CLSTN1: variants seen among roughly 807,000 people sequenced by gnomAD.
The protein encoded by CLSTN1 is calsyntenin 1.
Under a neutral mutation model 108.3 loss-of-function variants are expected in CLSTN1, and 28 were observed. The observed-to-expected ratio is 0.26, with a 90% CI of 0.19 to 0.35. The LOEUF (loss-of-function observed/expected upper bound fraction) is 0.35. Ranked by LOEUF, CLSTN1 falls within the 10% of genes least tolerant of loss-of-function variation. The pLI is 1.00. For missense variants in CLSTN1, 1,157 were observed against 1,302.6 expected (o/e 0.89, Z 1.72); for synonymous variants, 524 against 534.9 (o/e 0.98, Z 0.28).
chr1:9,813,550 G>T (rs1292371629), intron 1 of CLSTN1, among the ~76,000 whole-genome samples: 1 of 151,266 alleles, frequency 6.6e-6, no homozygotes, highest in Non-Finnish European at 1.5e-5. Context: ...AATAATTTTT[G>T]AACAAGGGGC....
At chr1:9,782,427 T>C (rs1245078340) in intron 1 of CLSTN1, among the ~76,000 whole-genome samples, 1 of 152,170 alleles carries the variant, frequency 6.6e-6, no homozygotes, top group African/African-American at 2.4e-5. Flanking sequence ...TAATAAGTTA[T>C]TAGGTAAGTA....
chr1:9,802,307 G>A (rs1228494980), intron 1 of CLSTN1, among the ~76,000 whole-genome samples: 1 of 152,082 alleles, frequency 6.6e-6, no homozygotes, highest in Non-Finnish European at 1.5e-5. Flanking sequence ...ATTCCAGCAG[G>A]GCCTGGCTAA....
intron 1 of CLSTN1, among the ~76,000 whole-genome samples, chr1:9,808,465 G>A (rs887064098): frequency 6.6e-6 from 1 of 152,212 alleles, no homozygotes; most frequent in Non-Finnish European, 1.5e-5. Flanking sequence ...CCACGGGGAA[G>A]ATACAATTTG....
chr1:9,810,809 T>C (rs1654726444), intron 1 of CLSTN1, among the ~76,000 whole-genome samples: 1 of 151,714 alleles, frequency 6.6e-6, no homozygotes, highest in African/African-American at 2.4e-5. Flanking sequence ...AATAAATAAA[T>C]AAATAAAAAT....
In CLSTN1 at chr1:9,788,075, C is replaced by T. The variant is rs146879136; in HGVS notation, c.92-14681G>A. The stretch of plus-strand genomic sequence containing the variant: ...TTCAAGATCAGCCCGGCCAACCTGG[C>T]GAGACCCCGTCTCTACAAAAAATAC... On this transcript the variant is annotated intron_variant, in intron 1 of 18. Coordinates refer to ENST00000377298, the MANE Select transcript of CLSTN1 (RefSeq NM_001009566.3). Among the ~76,000 whole-genome samples the T allele has an allele frequency of 9.3e-3, 1,411 of 151,204 alleles. 46 individuals carry two copies. The highest frequency in any genetic ancestry group is 0.045 in the East Asian group (225 of 5,004).
rs115228810 is a variant in CLSTN1, at chr1:9,747,731, A to C, written c.985+1730T>G. ...GGCTGGTCTTAGACCCCTGACCTCA[A>C]GTGATCTGGATAATTTTCAATTATA... On this transcript the variant is annotated intron_variant, in intron 7 of 18. Transcript: ENST00000377298. Among the ~76,000 whole-genome samples the C allele has an allele frequency of 4.8e-3, 729 of 152,160 alleles. 3 individuals carry two copies. Among genetic ancestry groups the C allele is most frequent in the African/African-American group, 0.016 (656 of 41,526 alleles).
chr1:9,816,493 T>C (rs1010974979), intron 1 of CLSTN1, among the ~76,000 whole-genome samples: 27 of 151,642 alleles, frequency 1.8e-4, no homozygotes, highest in African/African-American at 6.6e-4. Flanking sequence ...CCTTAAAAGG[T>C]TGAATTTTAT....
rs945330974 is a variant in CLSTN1 at position 9,791,564 on chromosome 1, C to T, written c.92-18170G>A. On this transcript the variant is annotated intron_variant, in intron 1 of 18. Transcript: ENST00000377298. ...CCTTTTTTTTTGAGATGGAGTCTCG[C>T]TCTGCCACCCAGGCTGAAGCGCAGT... Among the ~76,000 whole-genome samples the T allele has an allele frequency of 1.6e-4, 24 of 150,466 alleles. 1 individual carries two copies. The highest frequency in any genetic ancestry group is 2.4e-4 in the Non-Finnish European group (16 of 67,912).
At chr1:9,739,162 G>A (rs1650845493) in intron 10 of CLSTN1, among the ~76,000 whole-genome samples, 1 of 152,128 alleles carries the variant, frequency 6.6e-6, no homozygotes, top group East Asian at 1.9e-4. Context: ...ACTAACTTCT[G>A]AAATTCAGCA....
chr1:9,809,244 C>G (rs1487918168), intron 1 of CLSTN1, among the ~76,000 whole-genome samples: 1 of 152,164 alleles, frequency 6.6e-6, no homozygotes, highest in African/African-American at 2.4e-5. Flanking sequence ...AGACACACAC[C>G]CCCCAGCCTC....
At chr1:9,764,233 C>G (rs1488733487) in intron 2 of CLSTN1, among the ~76,000 whole-genome samples, 1 of 151,858 alleles carries the variant, frequency 6.6e-6, no homozygotes, top group Non-Finnish European at 1.5e-5. Context: ...CCCACTACCC[C>G]CCACCCCACC....
At chr1:9,789,335 C>G (rs1000230858) in intron 1 of CLSTN1, among the ~76,000 whole-genome samples, 3 of 151,392 alleles carry the variant, frequency 2.0e-5, no homozygotes, top group Admixed American at 1.3e-4. Flanking sequence ...TCTCCACCTC[C>G]TTCCCAGCAC....
intron 1 of CLSTN1, among the ~76,000 whole-genome samples, chr1:9,799,036 C>T (rs1298415356): frequency 6.6e-6 from 1 of 151,740 alleles, no homozygotes; most frequent in African/African-American, 2.4e-5. Flanking sequence ...AATAAATTAG[C>T]CAGACATAGT....
At chr1:9,799,758 T>C (rs1331023174) in intron 1 of CLSTN1, among the ~76,000 whole-genome samples, 4 of 150,920 alleles carry the variant, frequency 2.7e-5, no homozygotes, top group African/African-American at 7.3e-5. Flanking sequence ...CTGGCCAACA[T>C]GGTGAAAACC....
intron 1 of CLSTN1, among the ~76,000 whole-genome samples, chr1:9,779,419 A>T (rs1357120078): frequency 6.6e-6 from 1 of 151,670 alleles, no homozygotes; most frequent in Non-Finnish European, 1.5e-5. Flanking sequence ...CCAAAAATAC[A>T]AAAATTAGCC....
In CLSTN1 at chr1:9,733,673, T is replaced by C. The variant is rs1044314228; in HGVS notation, c.2282-127A>G. 7.8e-6 allele frequency: 9 copies of C among 1,154,106 alleles called. No individual in the cohort carries two copies. In the African/African-American group the frequency reaches 1.4e-4, roughly 18 times the overall value. 71.5% of individuals were successfully genotyped at this position (1,154,106 alleles called of 1,614,324 possible). A position where few individuals can be genotyped will look rare whatever the true frequency, so the allele number is the denominator to read the frequency against. ...TAGCTAGGCCAAGGGGTCACACAAG[T>C]TGGCTTTCTAGCCATGGGAATAAAT... is the stretch of plus-strand genomic sequence containing the variant. On this transcript the variant is annotated intron_variant, in intron 15 of 18. Coordinates refer to ENST00000377298, the MANE Select transcript of CLSTN1 (RefSeq NM_001009566.3).
In CLSTN1 at chr1:9,740,124, A is replaced by G. The variant is rs7416411; in HGVS notation, c.1519+970T>C. The stretch of plus-strand genomic sequence containing the variant: ...AGCCACCGCGCCCGGCCAATAGGGC[A>G]TTCTTGGCTCATGCAGCCTCTGCCT... On this transcript the variant is annotated intron_variant, in intron 10 of 18. Coordinates refer to ENST00000377298, the MANE Select transcript of CLSTN1 (RefSeq NM_001009566.3). 5.8e-3 allele frequency among the ~76,000 whole-genome samples: 864 copies of G among 149,168 alleles called. 11 individuals carry two copies. Among genetic ancestry groups the G allele is most frequent in the African/African-American group, 0.02 (801 of 40,342 alleles).
intron 1 of CLSTN1, among the ~76,000 whole-genome samples, chr1:9,786,341 G>A (rs1393887202): frequency 6.6e-6 from 1 of 151,994 alleles, no homozygotes; most frequent in Non-Finnish European, 1.5e-5. Context: ...ACACAATGCA[G>A]CTGTTCTACG....
rs1425018429 is a variant in CLSTN1 at position 9,729,596 on chromosome 1, C to G, written c.*912G>C. The G allele has an allele frequency of 1.3e-5, 2 of 152,568 alleles. No individual in the cohort carries two copies. The highest frequency in any genetic ancestry group is 2.4e-5 in the African/African-American group (1 of 41,460). The allele number at this position is 152,568 out of a possible 1,614,324, so 9.5% of individuals were successfully genotyped here. On this transcript the variant is annotated 3_prime_UTR_variant, in exon 19 of 19. Coordinates refer to ENST00000377298, the MANE Select transcript of CLSTN1 (RefSeq NM_001009566.3). ...GGACACCTCTCAGTTTCTCCTTTTA[C>G]CAGCAGGAAAATGTACATTTAAGCA...
Sources: allele counts gnomAD v4.1 joint callset (sites outside exome capture counted in the v4.1 genomes callset), GRCh38; gene constraint gnomAD v4.1.1; transcripts MANE v1.5; gene names NCBI Gene and HGNC (gene_info 2026-07-23, HGNC 2026-07-21).